Variants in NDUFAF2 observed in about 807,000 individuals in gnomAD.
The protein encoded by NDUFAF2 is NADH dehydrogenase [ubiquinone] 1 alpha subcomplex assembly factor 2.
In NDUFAF2, 13 loss-of-function variants were observed where a neutral mutation model predicts 22.8. That is an observed-to-expected ratio of 0.57 (90% CI 0.37 to 0.91). The LOEUF (loss-of-function observed/expected upper bound fraction) is 0.91. NDUFAF2 is among the 40% of genes least tolerant of loss of function. The pLI is 0.01. For synonymous variants in NDUFAF2, 53 were observed against 64.2 expected, an observed-to-expected ratio of 0.83 and a Z score of 0.84; for missense variants, 162 against 195.2, an observed-to-expected ratio of 0.83 and a Z score of 1.01.
At chr5:61,048,890 G>A (rs1751988313) in intron 1 of NDUFAF2, among the ~76,000 whole-genome samples, 8 of 152,052 alleles carry the variant, frequency 5.3e-5, no homozygotes. Flanking sequence ...AGAGGGGAGT[G>A]GTGGTAGAAC....
intron 1 of NDUFAF2, among the ~76,000 whole-genome samples, chr5:60,986,937 CAAAA>C (rs200015156): frequency 2.7e-5 from 2 of 73,474 alleles, no homozygotes; most frequent in Non-Finnish European, 3.1e-5. Flanking sequence ...TCTTTTGTCT[CAAAA>C]AAAAAAAAAA....
Position 61,073,129 on chromosome 5 carries a change from A to G in NDUFAF2, c.132A>G (p.Gln44=), listed in dbSNP as rs1752321747. ...TTAATGACTTTTGTCTTATAGGACAAACTATTCGAGAGAAAAGAATTGTAG... is the reference window on the plus strand; with the variant it reads ...TTAATGACTTTTGTCTTATAGGACAGACTATTCGAGAGAAAAGAATTGTAG... ...YIPQYKNWRG[Q]TIREKRIVEA... Residue 44 remains glutamine (Q), a synonymous_variant, in exon 2 of 4, where the codon CAA becomes CAG. Transcript: ENST00000296597. 1.9e-6 allele frequency: 3 copies of G among 1,606,766 alleles called. No homozygotes were observed. Among genetic ancestry groups the G allele is most frequent in the Non-Finnish European group, 2.6e-6 (3 of 1,173,858 alleles).
At chr5:61,063,218 G>T (rs540078710) in intron 1 of NDUFAF2, among the ~76,000 whole-genome samples, 2 of 152,078 alleles carry the variant, frequency 1.3e-5, no homozygotes, top group African/African-American at 4.8e-5. Flanking sequence ...TCAAAACCAG[G>T]TTGGGCATGG....
chr5:61,046,595 C>G (rs894998445), intron 1 of NDUFAF2, among the ~76,000 whole-genome samples: 8 of 152,192 alleles, frequency 5.3e-5, no homozygotes, highest in African/African-American at 1.9e-4. Context: ...CATAAAATCT[C>G]TTCTGAAGGG....
intron 1 of NDUFAF2, among the ~76,000 whole-genome samples, chr5:60,994,696 T>A (rs907382580): frequency 8.5e-5 from 13 of 152,240 alleles, no homozygotes. Context: ...CAGCTTGGTG[T>A]TCTATAACCT....
chr5:60,958,274 T>C (rs1750642707), intron 1 of NDUFAF2, among the ~76,000 whole-genome samples: 1 of 152,218 alleles, frequency 6.6e-6, no homozygotes, highest in Non-Finnish European at 1.5e-5. Context: ...TTTTCTAGCA[T>C]AGCTGTATCT....
chr5:61,043,041 G>C (rs1184349799), intron 1 of NDUFAF2, among the ~76,000 whole-genome samples: 1 of 152,160 alleles, frequency 6.6e-6, no homozygotes, highest in African/African-American at 2.4e-5. Context: ...CCAAGATGGT[G>C]AAACCCCGTC....
At chr5:61,083,964 C>T (rs1461088412) in intron 2 of NDUFAF2, among the ~76,000 whole-genome samples, 1 of 151,522 alleles carries the variant, frequency 6.6e-6, no homozygotes, top group African/African-American at 2.4e-5. Context: ...TTTGTTTTTT[C>T]TTGCCTTACT....
intron 1 of NDUFAF2, 55 bp downstream of exon 1, chr5:60,945,437 AG>A: frequency 6.2e-7 from 1 of 1,613,498 alleles, no homozygotes; most frequent in Non-Finnish European, 8.5e-7. Flanking sequence ...AGGTCAGTAA[AG>A]GAGGGAAAAG....
intron 3 of NDUFAF2, among the ~76,000 whole-genome samples, chr5:61,138,018 G>GTGGC (rs1740989809): frequency 6.6e-6 from 1 of 152,334 alleles, no homozygotes; most frequent in South Asian, 2.1e-4. Flanking sequence ...CATTAGAAAG[G>GTGGC]TGGCTACAAG....
At chr5:61,148,174 C>T (rs1236221286) in intron 3 of NDUFAF2, among the ~76,000 whole-genome samples, 1 of 152,184 alleles carries the variant, frequency 6.6e-6, no homozygotes, top group African/African-American at 2.4e-5. Context: ...CTCCATAAAC[C>T]ACCATCCTCT....
At chr5:61,122,331 A>G (rs1034171875) in intron 3 of NDUFAF2, among the ~76,000 whole-genome samples, 6 of 152,170 alleles carry the variant, frequency 3.9e-5, no homozygotes, top group South Asian at 4.1e-4. Flanking sequence ...ACTAATCTTG[A>G]GAGTCATTTT....
At chr5:61,077,521 T>G (rs1366447463) in intron 2 of NDUFAF2, among the ~76,000 whole-genome samples, 1 of 152,208 alleles carries the variant, frequency 6.6e-6, no homozygotes, top group Non-Finnish European at 1.5e-5. Flanking sequence ...TTGGAGAGTC[T>G]GAGAATAGAC....
intron 1 of NDUFAF2, among the ~76,000 whole-genome samples, chr5:61,033,327 A>G (rs1381690703): frequency 6.6e-6 from 1 of 152,148 alleles, no homozygotes; most frequent in African/African-American, 2.4e-5. Flanking sequence ...CTATGTGAAG[A>G]CAGTGATGTG....
intron 1 of NDUFAF2, among the ~76,000 whole-genome samples, chr5:61,020,547 A>ATGTGTG (rs68178917): frequency 0.022 from 3,273 of 148,026 alleles, 113 homozygotes; most frequent in African/African-American, 0.073. Flanking sequence ...GGGTTTTGTT[A>ATGTGTG]TGTGTGTGTG....
chr5:61,000,586 T>G (rs1347760485), intron 1 of NDUFAF2, among the ~76,000 whole-genome samples: 1 of 152,138 alleles, frequency 6.6e-6, no homozygotes, highest in Non-Finnish European at 1.5e-5. Flanking sequence ...AGAGTCAGAC[T>G]TAACCTGAAG....
Position 61,107,267 on chromosome 5 carries a change from T to C in NDUFAF2, c.258+8235T>C, listed in dbSNP as rs555717198. ...CATTTGTTATTGCCCATCTTTTTGA[T>C]AGAAGCCATTTTAACTGGGGTGACG... On this transcript the variant is annotated intron_variant, in intron 3 of 3. Transcript: ENST00000296597. 2.2e-4 allele frequency among the ~76,000 whole-genome samples: 34 copies of C among 151,526 alleles called. No homozygotes were observed. In the South Asian group the frequency reaches 7.0e-3, roughly 31 times the overall value.
chr5:61,048,497 T>C (rs967974367), intron 1 of NDUFAF2, among the ~76,000 whole-genome samples: 3 of 152,110 alleles, frequency 2.0e-5, no homozygotes, highest in Admixed American at 1.3e-4. Context: ...ACATTAGAGT[T>C]ATGAAATTAA....
At chr5:61,011,250 G>A (rs162230) in intron 1 of NDUFAF2, among the ~76,000 whole-genome samples, 150,237 of 152,178 alleles carry the variant, frequency 0.99, 74,176 homozygotes, top group East Asian at 1. Context: ...AGCTCTCCCC[G>A]CTGCCTCCCC....
Sources: gnomAD v4.1 joint callset for allele counts (sites outside exome capture counted in the v4.1 genomes callset) on GRCh38, gnomAD v4.1.1 for gene constraint, MANE v1.5 for transcripts, NCBI Gene and HGNC (gene_info 2026-07-23, HGNC 2026-07-21) for gene names.